ZNF484: variants seen among roughly 807,000 people sequenced by gnomAD.
ZNF484 encodes the protein KRAB box containing C2H2 type zinc finger bA526D8.4.
A neutral mutation model predicts 12.9 loss-of-function variants in ZNF484; 11 were observed. That is an observed-to-expected ratio of 0.85 (90% CI 0.54 to 1.41). The LOEUF (loss-of-function observed/expected upper bound fraction) is 1.41, where lower values mean the gene tolerates loss of function less well. Ranked by LOEUF, ZNF484 falls within the 40% of genes most tolerant of loss-of-function variation. The probability of loss-of-function intolerance (pLI) is 0.00; values close to 1 mark genes in which losing one functional copy is unlikely to be tolerated. For missense variants in ZNF484, 807 were observed against 1,007.7 expected (o/e 0.80, Z 2.70); for synonymous variants, 289 against 334.1 (o/e 0.86, Z 1.47).
At chr9:92,855,999 A>T in intron 3 of ZNF484, 96 bp from the exon 4 acceptor site, 1 of 1,442,652 alleles carries the variant, frequency 6.9e-7, no homozygotes. Context: ...ACAGAGGAAT[A>T]TTCACACTAC....
At chr9:92,865,357 G>C (rs1434135971) in intron 2 of ZNF484, among the ~76,000 whole-genome samples, 2 of 152,130 alleles carry the variant, frequency 1.3e-5, no homozygotes, top group African/African-American at 4.8e-5. Context: ...GGGGAGGAAT[G>C]AATCAAGCAA....
At chr9:92,849,020 G>A (rs1160612452) in intron 4 of ZNF484, among the ~76,000 whole-genome samples, 1 of 152,072 alleles carries the variant, frequency 6.6e-6, no homozygotes, top group African/African-American at 2.4e-5. Context: ...CCAGCACTTT[G>A]GGAGGCTGAG....
chr9:92,846,992 C>T lies in ZNF484; in HGVS notation c.1795G>A (p.Glu599Lys), dbSNP rs1012904069. The part of the protein sequence containing the change: ...FFHKSHFITH[E>K]RIHTGEKPYE... The stretch of plus-strand genomic sequence containing the variant: ...GGTTTCTCTCCAGTATGAATTCTCT[C>T]ATGTGTAATAAAATGGGATTTGTGG... Residue 599 changes from glutamate (E) to lysine (K), a missense_variant, in exon 5 of 5, where the codon GAG (glutamate) becomes AAG (lysine). Physicochemically the swap from Glu to Lys is moderately conservative, Grantham distance 56 (BLOSUM62 1). Coordinates refer to ENST00000375495, the MANE Select transcript of ZNF484 (RefSeq NM_031486.4). 15 of 1,613,912 alleles carry T rather than the reference C, an allele frequency of 9.3e-6. No homozygotes were observed. Among genetic ancestry groups the T allele is most frequent in the Non-Finnish European group, 1.3e-5 (15 of 1,179,990 alleles).
chr9:92,853,767 G>A (rs1217886125), intron 4 of ZNF484, among the ~76,000 whole-genome samples: 1 of 152,168 alleles, frequency 6.6e-6, no homozygotes, highest in African/African-American at 2.4e-5. Flanking sequence ...CCCCTGTGGG[G>A]GTGGTCATTG....
chr9:92,857,789 C>G (rs1856551904), intron 2 of ZNF484, among the ~76,000 whole-genome samples: 2 of 152,096 alleles, frequency 1.3e-5, no homozygotes, highest in African/African-American at 4.8e-5. Flanking sequence ...GAGACAGGGT[C>G]TTGCTCTGTC....
At chr9:92,858,626 T>G (rs1564108090) in intron 2 of ZNF484, among the ~76,000 whole-genome samples, 1 of 151,976 alleles carries the variant, frequency 6.6e-6, no homozygotes, top group East Asian at 1.9e-4. Context: ...AATGCAAAAA[T>G]GGGAGGCAGT....
intron 2 of ZNF484, among the ~76,000 whole-genome samples, chr9:92,864,983 C>T (rs769769904): frequency 1.3e-5 from 2 of 151,878 alleles, no homozygotes; most frequent in Non-Finnish European, 2.9e-5. Flanking sequence ...CTGAACAACA[C>T]AAATAAGCTG....
At chr9:92,876,118 A>C (rs1857793395) in intron 1 of ZNF484, among the ~76,000 whole-genome samples, 2 of 152,210 alleles carry the variant, frequency 1.3e-5, no homozygotes, top group Admixed American at 6.5e-5. Context: ...TTTAGCAATA[A>C]TTCTTGCAAA....
At chr9:92,852,763 C>G (rs945762621) in intron 4 of ZNF484, among the ~76,000 whole-genome samples, 1 of 151,314 alleles carries the variant, frequency 6.6e-6, no homozygotes, top group Admixed American at 6.6e-5. Flanking sequence ...TCTCAAACTC[C>G]TGACCTCAGG....
intron 2 of ZNF484, among the ~76,000 whole-genome samples, chr9:92,868,436 C>T (rs1857239177): frequency 6.6e-6 from 1 of 152,168 alleles, no homozygotes; most frequent in Non-Finnish European, 1.5e-5. Flanking sequence ...CTCTGTGTAA[C>T]AGTTTTCCTC....
intron 4 of ZNF484, among the ~76,000 whole-genome samples, chr9:92,852,888 G>A (rs1234517396): frequency 6.6e-6 from 1 of 152,124 alleles, no homozygotes; most frequent in East Asian, 1.9e-4. Context: ...TAATCAAAGG[G>A]CTCGATGAAA....
At chr9:92,864,285 T>C (rs1856940576) in intron 2 of ZNF484, among the ~76,000 whole-genome samples, 1 of 152,024 alleles carries the variant, frequency 6.6e-6, no homozygotes, top group African/African-American at 2.4e-5. Context: ...GAGATGTCAG[T>C]TTTTAAAGGA....
At chr9:92,866,956 A>C (rs1205993459) in intron 2 of ZNF484, among the ~76,000 whole-genome samples, 1 of 152,128 alleles carries the variant, frequency 6.6e-6, no homozygotes, top group African/African-American at 2.4e-5. Context: ...ACACACAGAC[A>C]CAGGGCAGGG....
chr9:92,872,788 T>C (rs1431203961), intron 2 of ZNF484, among the ~76,000 whole-genome samples: 1 of 152,072 alleles, frequency 6.6e-6, no homozygotes, highest in Non-Finnish European at 1.5e-5. Flanking sequence ...AAAAAAGTTA[T>C]TTTTAAGCAA....
rs3739602 is a variant in ZNF484 at position 92,847,282 on chromosome 9, C to T, written c.1505G>A (p.Gly502Asp). The change falls in exon 5 of 5, where the codon GGT becomes GAT. Residue 502 changes from glycine to aspartate, a missense_variant. Physicochemically the swap from Gly to Asp is moderately conservative, Grantham distance 94 (BLOSUM62 -1). Transcript: ENST00000375495. ...ATTTGACCTGTCAGTAAAGGCCTTA[C>T]CACACACAGTACATATATAGGGTCT... ...GERPYICTVCGKAFTDRSNLI... is the reference protein window; with the variant it reads ...GERPYICTVCDKAFTDRSNLI... 0.016 allele frequency: 26,050 copies of T among 1,613,990 alleles called. 1,948 individuals are homozygous for T. In the East Asian group the frequency reaches 0.27, roughly 17 times the overall value.
At position 92,848,544 on chromosome 9, in the gene ZNF484, G is replaced by C. The variant is rs762543837; in HGVS notation, c.243C>G (p.Asp81Glu). 1.3e-6 allele frequency: 2 copies of C among 1,570,538 alleles called. No homozygotes were observed. The highest frequency in any genetic ancestry group is 1.7e-6 in the Non-Finnish European group (2 of 1,167,282). ...EIPSQSRPDGDIGFGPLQQRM... is the reference protein window; with the variant it reads ...EIPSQSRPDGEIGFGPLQQRM... ...TCTGTTGTAAAGGTCCAAAACCAAT[G>C]TCCCCATCTAAAAAAGAAAGAAAAG... Residue 81 changes from aspartate to glutamate, a missense_variant, in exon 5 of 5, where the codon GAC becomes GAG. Physicochemically the swap from Asp to Glu is conservative, Grantham distance 45. Transcript: ENST00000375495. This position sits in a 1 kb window ranked among gnomAD's most constrained non-coding sequence, Gnocchi z 4.1.
Position 92,847,567 on chromosome 9 carries a change from G to A in ZNF484, c.1220C>T (p.Thr407Ile). Reference sequence around the variant, plus strand: ...AGTACATACATAAGGTTTTTCTCCTGTATGGATTTTCTGATGCATACTTAG... The same window carrying A: ...AGTACATACATAAGGTTTTTCTCCTATATGGATTTTCTGATGCATACTTAG... ...STLSMHQKIH[T>I]GEKPYVCTEC... Residue 407 changes from threonine (T) to isoleucine (I), a missense_variant, in exon 5 of 5, where the codon ACA becomes ATA. Coordinates refer to ENST00000375495, the MANE Select transcript of ZNF484 (RefSeq NM_031486.4). 2 of 1,614,126 alleles carry A rather than the reference G, an allele frequency of 1.2e-6. No individual in the cohort carries two copies. The highest frequency in any genetic ancestry group is 1.3e-5 in the African/African-American group (1 of 75,058).
At chr9:92,876,186 G>A (rs1375117492) in intron 1 of ZNF484, among the ~76,000 whole-genome samples, 4 of 151,876 alleles carry the variant, frequency 2.6e-5, no homozygotes, top group African/African-American at 9.7e-5. Flanking sequence ...CCACTAAAGA[G>A]AAAATTAATA....
chr9:92,865,799 C>T (rs1336479139), intron 2 of ZNF484, among the ~76,000 whole-genome samples: 1 of 152,094 alleles, frequency 6.6e-6, no homozygotes, highest in East Asian at 1.9e-4. Flanking sequence ...GTCCCAGCTA[C>T]TTGGGAGGCA....
Sources: allele counts gnomAD v4.1 joint callset (sites outside exome capture counted in the v4.1 genomes callset), GRCh38; gene constraint gnomAD v4.1.1; non-coding constraint Gnocchi (gnomAD v3.1); transcripts MANE v1.5; gene names NCBI Gene and HGNC (gene_info 2026-07-23, HGNC 2026-07-21).